The following AP2B1 variants were observed in gnomAD, a reference collection of about 807,000 sequenced individuals.
AP2B1 encodes the protein adaptor related protein complex 2 subunit beta 1, also known as AP-2 complex subunit beta.
A neutral mutation model predicts 102.0 loss-of-function variants in AP2B1; 23 were observed. That is an observed-to-expected ratio of 0.23 (90% CI 0.16 to 0.32). The LOEUF is 0.32. Ranked by LOEUF, AP2B1 falls within the 10% of genes least tolerant of loss-of-function variation. AP2B1 has a pLI of 1.00. For synonymous variants in AP2B1, 381 were observed against 421.2 expected, an observed-to-expected ratio of 0.90 and a Z score of 1.17; for missense variants, 541 against 1,157.4, an observed-to-expected ratio of 0.47 and a Z score of 7.73.
chr17:35,589,708 C>A (rs200633493), intron 1 of AP2B1, among the ~76,000 whole-genome samples: 1 of 152,166 alleles, frequency 6.6e-6, no homozygotes, highest in Non-Finnish European at 1.5e-5. Flanking sequence ...GGCCTTAGGC[C>A]ATACCGTAAA....
intron 9 of AP2B1, among the ~76,000 whole-genome samples, chr17:35,635,831 G>A (rs960469285): frequency 2.6e-5 from 4 of 152,020 alleles, no homozygotes; most frequent in African/African-American, 7.3e-5. Flanking sequence ...CAAGTAGCTC[G>A]GATTACAGGC....
At chr17:35,611,433 A>G (rs1187253397) in intron 5 of AP2B1, among the ~76,000 whole-genome samples, 1 of 152,184 alleles carries the variant, frequency 6.6e-6, no homozygotes, top group Non-Finnish European at 1.5e-5. Context: ...ATGGTCAGGG[A>G]TAAGGCCTAA....
chr17:35,666,360 C>T (rs574410371), intron 14 of AP2B1, among the ~76,000 whole-genome samples: 88 of 152,282 alleles, frequency 5.8e-4, no homozygotes, highest in African/African-American at 2.0e-3. Context: ...TGGCAGTAGA[C>T]AAATGTTAGT....
chr17:35,595,874 G>A (rs1418761180), intron 2 of AP2B1, among the ~76,000 whole-genome samples: 2 of 151,574 alleles, frequency 1.3e-5, no homozygotes, highest in Non-Finnish European at 2.9e-5. Flanking sequence ...GTGCTTTGAC[G>A]AACAAAATGT....
At chr17:35,616,584 A>G (rs2074028560) in intron 5 of AP2B1, among the ~76,000 whole-genome samples, 1 of 152,236 alleles carries the variant, frequency 6.6e-6, no homozygotes, top group South Asian at 2.1e-4. Flanking sequence ...ATCTTACGTA[A>G]CCGTGGTACA....
chr17:35,681,420 G>A (rs1246091285), intron 17 of AP2B1, among the ~76,000 whole-genome samples: 1 of 152,152 alleles, frequency 6.6e-6, no homozygotes, highest in Admixed American at 6.5e-5. Context: ...TATTTTTAAA[G>A]ACAGGGTGTC....
chr17:35,624,804 C>T (rs1323494866), intron 6 of AP2B1, among the ~76,000 whole-genome samples: 1 of 152,116 alleles, frequency 6.6e-6, no homozygotes, highest in Non-Finnish European at 1.5e-5. Context: ...CATACAGTTA[C>T]TTCTGCTAAA....
chr17:35,676,018 T>C (rs2075693769), intron 17 of AP2B1, among the ~76,000 whole-genome samples: 1 of 152,152 alleles, frequency 6.6e-6, no homozygotes, highest in South Asian at 2.1e-4. Flanking sequence ...CTCCTCTGTT[T>C]TGTTCCTTAA....
chr17:35,695,963 A>G (rs1213137580), intron 18 of AP2B1, among the ~76,000 whole-genome samples: 1 of 152,172 alleles, frequency 6.6e-6, no homozygotes, highest in Non-Finnish European at 1.5e-5. Flanking sequence ...AACCATGAGT[A>G]TAACTGGCCA....
chr17:35,690,577 C>T (rs941356247), intron 18 of AP2B1, among the ~76,000 whole-genome samples: 1 of 152,126 alleles, frequency 6.6e-6, no homozygotes, highest in African/African-American at 2.4e-5. Context: ...AGTATAGAAT[C>T]GGGGTTGGTA....
chr17:35,696,634 C>G (rs915279134), intron 18 of AP2B1, among the ~76,000 whole-genome samples: 8 of 151,922 alleles, frequency 5.3e-5, no homozygotes, highest in African/African-American at 1.9e-4. Flanking sequence ...AGTGATCTGC[C>G]CACCTCAGCT....
chr17:35,714,322 A>G (rs1448126531), intron 20 of AP2B1, among the ~76,000 whole-genome samples: 3 of 152,232 alleles, frequency 2.0e-5, no homozygotes, highest in East Asian at 1.9e-4. Context: ...TTCAGCAGTC[A>G]TAGTGGTTTT....
intron 7 of AP2B1, among the ~76,000 whole-genome samples, 193 bp from the exon 8 acceptor site, chr17:35,627,192 A>G (rs985695641): frequency 2.0e-5 from 3 of 150,748 alleles, no homozygotes; most frequent in African/African-American, 7.3e-5. Context: ...AAGGATAAAA[A>G]TAATCTGCCA....
intron 13 of AP2B1, among the ~76,000 whole-genome samples, chr17:35,652,609 C>T (rs1352189744): frequency 6.6e-6 from 1 of 152,118 alleles, no homozygotes; most frequent in East Asian, 1.9e-4. Flanking sequence ...GCAGTTATTT[C>T]CCTTAAAATT....
At position 35,627,517 on chromosome 17, in the gene AP2B1, T is replaced by G; in HGVS notation, c.1059+12T>G. 1 of 1,614,086 alleles carries G rather than the reference T, an allele frequency of 6.2e-7. No homozygotes were observed. The highest frequency in any genetic ancestry group is 8.5e-7 in the Non-Finnish European group (1 of 1,179,990). On this transcript the variant is annotated intron_variant, in intron 8 of 21. Coordinates refer to ENST00000610402, the MANE Select transcript of AP2B1 (RefSeq NM_001030006.2). ...CCAACATTGCTCAGGTCAGACTTTA[T>G]GCAGACTCAAGTTGATGATGATTTA... is the stretch of plus-strand genomic sequence containing the variant.
chr17:35,705,535 T>TA (rs897766616), intron 18 of AP2B1, among the ~76,000 whole-genome samples: 6 of 152,230 alleles, frequency 3.9e-5, no homozygotes, highest in African/African-American at 1.4e-4. Flanking sequence ...TTTTTTTTTT[T>TA]ATTTGAGATG....
intron 1 of AP2B1, among the ~76,000 whole-genome samples, chr17:35,590,684 T>C (rs2073065912): frequency 6.6e-6 from 1 of 152,188 alleles, no homozygotes; most frequent in Non-Finnish European, 1.5e-5. Context: ...CTAAAGATAC[T>C]TGACCCTCCT....
At chr17:35,656,415 G>A (rs771592827) in intron 13 of AP2B1, among the ~76,000 whole-genome samples, 2 of 152,098 alleles carry the variant, frequency 1.3e-5, no homozygotes, top group Non-Finnish European at 2.9e-5. Context: ...CTGTTGAGTT[G>A]TTGTTATTTC....
Position 35,717,235 on chromosome 17 carries a change from T to C in AP2B1, c.2667T>C (p.Thr889=), listed in dbSNP as rs1319504971. The C allele has an allele frequency of 6.2e-7, 1 of 1,614,046 alleles. No individual in the cohort carries two copies. Among genetic ancestry groups the C allele is most frequent in the African/African-American group, 1.3e-5 (1 of 74,938 alleles). The change falls in exon 21 of 22, where the codon ACT becomes ACC. Residue 889 remains threonine (T), a synonymous_variant. Transcript: ENST00000610402. ...SSKLQNNNVY[T]IAKRNVEGQD... is the part of the protein sequence containing the mutation. ...AGTTGCAAAACAACAATGTTTATACTATTGCCAAGAGGAATGTGGAAGGGC... is the reference window on the plus strand; with the variant it reads ...AGTTGCAAAACAACAATGTTTATACCATTGCCAAGAGGAATGTGGAAGGGC...
Sources: allele counts gnomAD v4.1 joint callset (sites outside exome capture counted in the v4.1 genomes callset), GRCh38; gene constraint gnomAD v4.1.1; transcripts MANE v1.5; gene names NCBI Gene and HGNC (gene_info 2026-07-23, HGNC 2026-07-21).